Variants in GTPBP4 observed in about 807,000 individuals in gnomAD.
GTPBP4 encodes the protein GTP-binding protein 4.
In GTPBP4, 15 loss-of-function variants were observed where a neutral mutation model predicts 81.7. The ratio of observed to expected loss-of-function variants is 0.18; its 90% confidence interval spans 0.12 to 0.28. The LOEUF (loss-of-function observed/expected upper bound fraction) is 0.28. GTPBP4 is among the 10% of genes least tolerant of loss of function. GTPBP4 has a pLI of 1.00. For missense variants in GTPBP4, 847 were observed against 793.8 expected (o/e 1.07, Z -0.81); for synonymous variants, 272 against 274.6 (o/e 0.99, Z 0.09).
rs975605878 is a variant in GTPBP4, at chr10:1,016,048, A to G, written c.1752+152A>G. The G allele has an allele frequency of 4.1e-6, 3 of 734,644 alleles. No homozygotes were observed. In the Admixed American group the frequency reaches 6.9e-5, roughly 17 times the overall value. 45.5% of individuals were successfully genotyped at this position (734,644 alleles called of 1,614,324 possible). On this transcript the variant is annotated intron_variant, in intron 16 of 16. Coordinates refer to ENST00000360803, the MANE Select transcript of GTPBP4 (RefSeq NM_012341.3). ...CTCGTTTTGTGGCATCCTTTAGAGG[A>G]GAGCACGGGTCAGGGTGCAGGTGGA...
intron 14 of GTPBP4, among the ~76,000 whole-genome samples, chr10:1,012,863 G>C (rs1831904754): frequency 6.6e-6 from 1 of 152,116 alleles, no homozygotes; most frequent in Admixed American, 6.5e-5. Context: ...GTGACTTTCA[G>C]CTTCGAGTTT....
chr10:1,012,554 G>A lies in GTPBP4; in HGVS notation c.1434G>A (p.Leu478=). Reference sequence around the variant, plus strand: ...CTGAGAGTGAAGACGAAGAGATGCTGGAAATCCGACAGCTGGCAAAGCAAA... The same window carrying A: ...CTGAGAGTGAAGACGAAGAGATGCTAGAAATCCGACAGCTGGCAAAGCAAA... ...SVSESEDEEM[L]EIRQLAKQIR... The change falls in exon 14 of 17, where the codon CTG becomes CTA. Residue 478 remains leucine (L), a synonymous_variant. Coordinates refer to ENST00000360803, the MANE Select transcript of GTPBP4 (RefSeq NM_012341.3). 1 of 1,613,350 alleles carries A rather than the reference G, an allele frequency of 6.2e-7. No individual in the cohort carries two copies. Among genetic ancestry groups the A allele is most frequent in the African/African-American group, 1.3e-5 (1 of 75,016 alleles).
intron 14 of GTPBP4, 46 bp from the exon 15 acceptor site, chr10:1,014,201 T>C: frequency 8.1e-7 from 1 of 1,235,422 alleles, no homozygotes; most frequent in East Asian, 2.3e-5. Flanking sequence ...TTTTCAACAT[T>C]TCATCAAACT....
Position 1,000,887 on chromosome 10 carries a change from G to C in GTPBP4, c.846+19G>C. 1 of 1,611,920 alleles carries C rather than the reference G, an allele frequency of 6.2e-7. No homozygotes were observed. Among genetic ancestry groups the C allele is most frequent in the Non-Finnish European group, 8.5e-7 (1 of 1,178,168 alleles). Reference sequence around the variant, plus strand: ...CAACAAGGTGTGTGTGGTCACTCATGTTTTGCTTCATATCCTGCAGTACGA... The same window carrying C: ...CAACAAGGTGTGTGTGGTCACTCATCTTTTGCTTCATATCCTGCAGTACGA... On this transcript the variant is annotated intron_variant, in intron 7 of 16. Coordinates refer to ENST00000360803, the MANE Select transcript of GTPBP4 (RefSeq NM_012341.3).
chr10:1,007,873 T>G (rs759957817), intron 10 of GTPBP4: 15 of 515,678 alleles, frequency 2.9e-5, no homozygotes, highest in African/African-American at 2.1e-4. Context: ...TTTGTCTGCT[T>G]ATTGGCCTTT....
chr10:988,441 C>T lies in GTPBP4; in HGVS notation c.-39C>T, dbSNP rs1267030014. 1.9e-6 allele frequency: 3 copies of T among 1,594,002 alleles called. No homozygotes were observed. In the Admixed American group the frequency reaches 5.0e-5, roughly 27 times the overall value. ...CCACCTGCGCCCGACGGCGGAAGTT[C>T]CGGGAGTGCCAAGTACCCGCGTGCA... On this transcript the variant is annotated 5_prime_UTR_variant, in exon 1 of 17. Coordinates refer to ENST00000360803, the MANE Select transcript of GTPBP4 (RefSeq NM_012341.3).
chr10:1,005,424 A>G (rs1269138295), intron 8 of GTPBP4, among the ~76,000 whole-genome samples: 2 of 152,130 alleles, frequency 1.3e-5, no homozygotes, highest in African/African-American at 2.4e-5. Context: ...GATTACAGGC[A>G]TGAGCCACCG....
intron 14 of GTPBP4, among the ~76,000 whole-genome samples, chr10:1,013,422 A>T (rs1390086206): frequency 6.6e-6 from 1 of 151,820 alleles, no homozygotes; most frequent in Non-Finnish European, 1.5e-5. Context: ...ATCCTGGCTA[A>T]AACAGTGAAA....
At position 1,019,244 on chromosome 10, in the gene GTPBP4, G is replaced by A. The variant is rs185457666; in HGVS notation, c.*2017G>A. The A allele has an allele frequency of 3.5e-3, 1,248 of 357,386 alleles. 5 individuals are homozygous for A. The highest frequency in any genetic ancestry group is 3.8e-3 in the Non-Finnish European group (740 of 194,186). 22.1% of individuals were successfully genotyped at this position (357,386 alleles called of 1,614,324 possible). On this transcript the variant is annotated 3_prime_UTR_variant, in exon 17 of 17. Transcript: ENST00000360803. ...CCCAAGACTTTCAGGATCAGCTGCT[G>A]TTAATCAAACAAGTGCTTATAAAAT...
intron 1 of GTPBP4, 121 bp from the exon 2 acceptor site, chr10:992,368 C>T: frequency 1.6e-6 from 1 of 614,476 alleles, no homozygotes; most frequent in Non-Finnish European, 2.8e-6. Context: ...CCACTGCACT[C>T]CAGCCTGGGC....
At chr10:1,011,185 CA>C (rs760085613) in intron 13 of GTPBP4, among the ~76,000 whole-genome samples, 43 of 149,136 alleles carry the variant, frequency 2.9e-4, no homozygotes, top group Middle Eastern at 3.7e-3. Context: ...CCCCCTGCAC[CA>C]CCTTCCCCAC....
intron 8 of GTPBP4, among the ~76,000 whole-genome samples, chr10:1,004,530 C>T (rs941620564): frequency 6.6e-6 from 1 of 152,094 alleles, no homozygotes; most frequent in African/African-American, 2.4e-5. Context: ...GCGCCCCAGG[C>T]ACCGTTGCCC....
chr10:997,356 C>T (rs1831553264), intron 5 of GTPBP4, 48 bp downstream of exon 5: 1 of 1,006,308 alleles, frequency 9.9e-7, no homozygotes, highest in East Asian at 2.4e-5. Context: ...TATTTTACGT[C>T]AGTGTTACTG....
intron 7 of GTPBP4, 39 bp downstream of exon 7, chr10:1,000,907 G>A (rs1460167652): frequency 6.2e-7 from 1 of 1,607,396 alleles, no homozygotes; most frequent in African/African-American, 1.3e-5. Context: ...ATATCCTGCA[G>A]TACGAGAATA....
At chr10:1,012,020 C>T (rs1021212708) in intron 13 of GTPBP4, among the ~76,000 whole-genome samples, 5 of 152,128 alleles carry the variant, frequency 3.3e-5, no homozygotes, top group African/African-American at 1.2e-4. Flanking sequence ...GGGTGATAAA[C>T]GTGTGTGTTT....
At chr10:995,263 C>T (rs531420350) in intron 2 of GTPBP4, among the ~76,000 whole-genome samples, 2 of 152,238 alleles carry the variant, frequency 1.3e-5, no homozygotes. Context: ...TGAGCACTAG[C>T]CAGCACAGGA....
chr10:1,012,473 A>G lies in GTPBP4; in HGVS notation c.1353A>G (p.Glu451=). 6.3e-7 allele frequency: 1 copy of G among 1,594,782 alleles called. No individual in the cohort carries two copies. Residue 451 remains glutamate, a synonymous_variant, in exon 14 of 17, where the codon GAA becomes GAG. Coordinates refer to ENST00000360803, the MANE Select transcript of GTPBP4 (RefSeq NM_012341.3). ...CAACTCCATTTTTAAAGAAATTGGA[A>G]GAATTAGAAAAAGAAGAAGAGCTGA... ...YIDPAIMKKL[E]ELEKEEELRT...
intron 5 of GTPBP4, among the ~76,000 whole-genome samples, chr10:998,301 T>C (rs1378078937): frequency 6.6e-6 from 1 of 152,140 alleles, no homozygotes; most frequent in Non-Finnish European, 1.5e-5. Flanking sequence ...AGTCTCACTG[T>C]GTTCCCCAGG....
chr10:999,251 AG>A (rs1447332322), intron 6 of GTPBP4, among the ~76,000 whole-genome samples, 156 bp downstream of exon 6: 28 of 152,042 alleles, frequency 1.8e-4, no homozygotes, highest in African/African-American at 6.8e-4. Context: ...TTCGAGTAGC[AG>A]GGATTACAGG....
Sources: allele counts gnomAD v4.1 joint callset (sites outside exome capture counted in the v4.1 genomes callset), GRCh38; gene constraint gnomAD v4.1.1; transcripts MANE v1.5; gene names NCBI Gene and HGNC (gene_info 2026-07-23, HGNC 2026-07-21).